MATN2: variants seen among roughly 807,000 people sequenced by gnomAD.
The protein encoded by MATN2 is matrilin 2, also known as matrilin-2.
A neutral mutation model predicts 103.2 loss-of-function variants in MATN2; 69 were observed. That is an observed-to-expected ratio of 0.67 (90% CI 0.55 to 0.82). The LOEUF (loss-of-function observed/expected upper bound fraction) is 0.82. MATN2 is among the 40% of genes least tolerant of loss of function. The pLI is 0.00. For missense variants in MATN2, 1,023 were observed against 1,211.5 expected (o/e 0.84, Z 2.31); for synonymous variants, 429 against 450.2 (o/e 0.95, Z 0.60).
At position 98,027,725 on chromosome 8, in the gene MATN2, G is replaced by C; in HGVS notation, c.2252G>C (p.Gly751Ala). Residue 751 changes from glycine to alanine, a missense_variant, in exon 14 of 19, where the codon GGG becomes GCG. Transcript: ENST00000254898. Reference protein sequence around the residue: ...MFERSFTQGEGARPLSTRVPR... With the variant: ...MFERSFTQGEAARPLSTRVPR... ...GAGAGAAGTTTTACCCAAGGAGAAG[G>C]GGCCAGGCCCCTTTCCACAAGGGTG... 2 of 1,613,916 alleles carry C rather than the reference G, an allele frequency of 1.2e-6. No homozygotes were observed. The highest frequency in any genetic ancestry group is 1.7e-6 in the Non-Finnish European group (2 of 1,179,866).
At position 98,007,751 on chromosome 8, in the gene MATN2, A is replaced by G. The variant is rs2444893; in HGVS notation, c.1573+150A>G. Reference sequence around the variant, plus strand: ...TGTGTGACAGCATCTCTTAGCCATTAAGCCTTGGTGGCTGCTTCACCAACT... The same window carrying G: ...TGTGTGACAGCATCTCTTAGCCATTGAGCCTTGGTGGCTGCTTCACCAACT... On this transcript the variant is annotated intron_variant, in intron 10 of 18. Transcript: ENST00000254898. This position sits in a 1 kb window ranked among gnomAD's most constrained non-coding sequence, Gnocchi z 4.2. 954,772 of 955,626 alleles carry G rather than the reference A, an allele frequency of 1. 476,969 individuals are homozygous for G. Among genetic ancestry groups the G allele is most frequent in the Admixed American group, 1 (37,694 of 37,694 alleles). The allele number at this position is 955,626 out of a possible 1,614,324, so 59.2% of individuals were successfully genotyped here. A position where few individuals can be genotyped will look rare whatever the true frequency, so the allele number is the denominator to read the frequency against.
At chr8:97,900,126 T>C (rs1818932809) in intron 2 of MATN2, among the ~76,000 whole-genome samples, 1 of 152,226 alleles carries the variant, frequency 6.6e-6, no homozygotes, top group Non-Finnish European at 1.5e-5. Context: ...AACTCAGTCC[T>C]GTTTCAGTAT....
intron 5 of MATN2, among the ~76,000 whole-genome samples, chr8:97,974,843 T>C (rs1811779754): frequency 1.3e-5 from 2 of 152,180 alleles, no homozygotes. Flanking sequence ...TAACAATGGC[T>C]CTTAAGTTTT....
At chr8:98,029,518 T>C (rs1482192207) in intron 14 of MATN2, among the ~76,000 whole-genome samples, 3 of 152,316 alleles carry the variant, frequency 2.0e-5, no homozygotes, top group Admixed American at 6.5e-5. Context: ...CATCCTCTTA[T>C]GAATTTAACT....
At chr8:97,923,655 CA>C (rs1442944925) in intron 2 of MATN2, among the ~76,000 whole-genome samples, 80 of 152,178 alleles carry the variant, frequency 5.3e-4, no homozygotes, top group African/African-American at 1.9e-3. Flanking sequence ...CTCCCAGGTT[CA>C]AGCGATTCTC....
intron 1 of MATN2, among the ~76,000 whole-genome samples, chr8:97,875,690 G>GTTTTTTTTTTTTTTTTTTTTTTTTT: frequency 1.2e-5 from 1 of 82,034 alleles, no homozygotes; most frequent in Non-Finnish European, 2.2e-5. Context: ...GTATTTGCCT[G>GTTTTTTTTTTTTTTTTTTTTTTTTT]TTTTTTTTTT....
chr8:97,912,582 G>C (rs1235258806), intron 2 of MATN2, among the ~76,000 whole-genome samples: 2 of 152,172 alleles, frequency 1.3e-5, no homozygotes, highest in Non-Finnish European at 2.9e-5. Flanking sequence ...AAGCAAATTG[G>C]AGGATGAGTA....
intron 2 of MATN2, among the ~76,000 whole-genome samples, chr8:97,915,161 A>G (rs1411804362): frequency 6.6e-6 from 1 of 151,452 alleles, no homozygotes; most frequent in African/African-American, 2.4e-5. Flanking sequence ...TTGTGAAAAA[A>G]CTTTTTTTTT....
At chr8:97,979,885 A>T (rs1811962365) in intron 6 of MATN2, among the ~76,000 whole-genome samples, 1 of 152,242 alleles carries the variant, frequency 6.6e-6, no homozygotes, top group Non-Finnish European at 1.5e-5. Context: ...AAAACAGGAT[A>T]CATCTGCACA....
intron 2 of MATN2, among the ~76,000 whole-genome samples, chr8:97,919,126 T>C (rs777287945): frequency 7.9e-5 from 12 of 152,294 alleles, no homozygotes; most frequent in Non-Finnish European, 1.5e-4. Flanking sequence ...TATCTTCTTT[T>C]CTAGACCCTT....
chr8:97,883,218 G>T (rs1446556655), intron 1 of MATN2, among the ~76,000 whole-genome samples: 3 of 151,136 alleles, frequency 2.0e-5, no homozygotes, highest in African/African-American at 7.3e-5. Flanking sequence ...CCAGGAGGCG[G>T]AGGTTGCAGT....
Position 98,021,288 on chromosome 8 carries a change from G to C in MATN2, c.1903G>C (p.Glu635Gln). The C allele has an allele frequency of 6.2e-7, 1 of 1,613,694 alleles. No individual in the cohort carries two copies. Among genetic ancestry groups the C allele is most frequent in the Non-Finnish European group, 8.5e-7 (1 of 1,179,636 alleles). Residue 635 changes from glutamate (E) to glutamine (Q), a missense_variant, in exon 13 of 19, where the codon GAG becomes CAG. Transcript: ENST00000254898. ...GAATTCCTACATCTGCAAATGCTCA[G>C]AGGGATTTGTTCTAGCTGAGGACGG... is the stretch of plus-strand genomic sequence containing the variant. ...NGNSYICKCS[E>Q]GFVLAEDGRR... is the part of the protein sequence containing the mutation.
chr8:97,945,397 C>T (rs555226330), intron 4 of MATN2, among the ~76,000 whole-genome samples: 3 of 152,166 alleles, frequency 2.0e-5, no homozygotes, highest in African/African-American at 7.2e-5. Context: ...GTGATCAAAC[C>T]AGAATCCAAA....
At chr8:97,995,898 A>G (rs1045321441) in intron 7 of MATN2, among the ~76,000 whole-genome samples, 4 of 152,220 alleles carry the variant, frequency 2.6e-5, no homozygotes, top group Non-Finnish European at 5.9e-5. Flanking sequence ...AGCATTCAGA[A>G]TGTGAAAACA....
At chr8:97,912,422 T>C (rs565752863) in intron 2 of MATN2, among the ~76,000 whole-genome samples, 3 of 152,316 alleles carry the variant, frequency 2.0e-5, no homozygotes, top group African/African-American at 7.2e-5. Context: ...AGCCGGGCAT[T>C]GAAGCGCTGA....
chr8:98,011,260 C>A (rs1813149277), intron 10 of MATN2, among the ~76,000 whole-genome samples: 1 of 152,190 alleles, frequency 6.6e-6, no homozygotes, highest in African/African-American at 2.4e-5. Flanking sequence ...CCCAAAGACT[C>A]CACCTCTGAA....
chr8:98,032,173 G>C (rs1030401388), intron 15 of MATN2, 73 bp from the exon 16 acceptor site: 1 of 1,253,614 alleles, frequency 8.0e-7, no homozygotes, highest in Non-Finnish European at 1.1e-6. Flanking sequence ...GGTGGTCTGG[G>C]ACCAGCTTCC....
chr8:97,923,408 G>A (rs1257614047), intron 2 of MATN2, among the ~76,000 whole-genome samples: 1 of 152,106 alleles, frequency 6.6e-6, no homozygotes, highest in African/African-American at 2.4e-5. Context: ...CTGCTACTCT[G>A]TCCAGCATTA....
intron 5 of MATN2, among the ~76,000 whole-genome samples, chr8:97,967,552 C>A (rs530395177): frequency 6.6e-6 from 1 of 152,324 alleles, no homozygotes; most frequent in South Asian, 2.1e-4. Context: ...GGCAATAGGA[C>A]CATACAACTT....
Sources: allele counts gnomAD v4.1 joint callset (sites outside exome capture counted in the v4.1 genomes callset), GRCh38; gene constraint gnomAD v4.1.1; non-coding constraint Gnocchi (gnomAD v3.1); transcripts MANE v1.5; gene names NCBI Gene and HGNC (gene_info 2026-07-23, HGNC 2026-07-21).